ADAM7: variants seen among roughly 807,000 people sequenced by gnomAD.
The protein encoded by ADAM7 is ADAM metallopeptidase domain 7.
In ADAM7, 97 loss-of-function variants were observed where a neutral mutation model predicts 102.9. The observed-to-expected ratio is 0.94, with a 90% CI of 0.80 to 1.12. The LOEUF (loss-of-function observed/expected upper bound fraction) is 1.12. Among genes scored for constraint, ADAM7 ranks in the 50% most tolerant of loss-of-function variants. ADAM7 has a pLI of 0.00. For synonymous variants in ADAM7, 334 were observed against 304.4 expected (o/e 1.10, Z -1.01); for missense variants, 991 against 908.7 (o/e 1.09, Z -1.16).
At chr8:24,486,632 G>C (rs1219827097) in intron 10 of ADAM7, among the ~76,000 whole-genome samples, 2 of 152,126 alleles carry the variant, frequency 1.3e-5, no homozygotes, top group African/African-American at 4.8e-5. Context: ...TAAGTCCTTA[G>C]CAGATTCGGT....
intron 3 of ADAM7, among the ~76,000 whole-genome samples, chr8:24,458,996 G>A (rs1819141298): frequency 6.6e-6 from 1 of 151,732 alleles, no homozygotes; most frequent in Admixed American, 6.6e-5. Context: ...TGTGTTTTTA[G>A]TTTTTGCAAT....
At chr8:24,483,958 C>G (rs1331134908) in intron 9 of ADAM7, among the ~76,000 whole-genome samples, 1 of 152,118 alleles carries the variant, frequency 6.6e-6, no homozygotes, top group Non-Finnish European at 1.5e-5. Context: ...AATTGAGCAT[C>G]ATATTTGGGA....
At position 24,508,873 on chromosome 8, in the gene ADAM7, AC is replaced by A. The variant is rs1408919090; in HGVS notation, c.*328del. On this transcript the variant is annotated 3_prime_UTR_variant, in exon 22 of 22. Coordinates refer to ENST00000175238, the MANE Select transcript of ADAM7 (RefSeq NM_003817.4). Reference sequence around the variant, plus strand: ...ACTCTGCTTTCTTTTAAGAATCCAAACTTTAAGGATGATAACTTACAGTCTA... The same window carrying A: ...ACTCTGCTTTCTTTTAAGAATCCAAATTTAAGGATGATAACTTACAGTCTA... The A allele has an allele frequency of 2.6e-6, 3 of 1,161,508 alleles. No individual in the cohort carries two copies. Among genetic ancestry groups the A allele is most frequent in the Non-Finnish European group, 3.2e-6 (3 of 943,940 alleles). 72.0% of individuals were successfully genotyped at this position (1,161,508 alleles called of 1,614,324 possible).
rs1818408704 is a variant in ADAM7 at position 24,442,486 on chromosome 8, T to C, written c.66T>C (p.Leu22=). 1 of 1,613,660 alleles carries C rather than the reference T, an allele frequency of 6.2e-7. No individual in the cohort carries two copies. Among genetic ancestry groups the C allele is most frequent in the Non-Finnish European group, 8.5e-7 (1 of 1,179,582 alleles). ...LIPQVKEKFI[L]GVEGQQLVRP... ...GTTTCCTCGTAGAAAAGTTCATCCTTGGAGTAGAGGGTCAACAACTGGTTC... is the reference window on the plus strand; with the variant it reads ...GTTTCCTCGTAGAAAAGTTCATCCTCGGAGTAGAGGGTCAACAACTGGTTC... Residue 22 remains leucine, a synonymous_variant, in exon 2 of 22, where the codon CTT becomes CTC. Coordinates refer to ENST00000175238, the MANE Select transcript of ADAM7 (RefSeq NM_003817.4).
At chr8:24,458,953 G>C (rs1414885793) in intron 3 of ADAM7, among the ~76,000 whole-genome samples, 1 of 151,556 alleles carries the variant, frequency 6.6e-6, no homozygotes, top group African/African-American at 2.4e-5. Flanking sequence ...ATCTTATTAA[G>C]GGTTTTTGAA....
chr8:24,499,797 T>TACACAC (rs35010933), intron 17 of ADAM7, among the ~76,000 whole-genome samples: 32 of 148,302 alleles, frequency 2.2e-4, no homozygotes, highest in South Asian at 1.3e-3. Context: ...TATATAGTAA[T>TACACAC]ACACACACAC....
chr8:24,465,620 A>T, intron 4 of ADAM7, 79 bp from the exon 5 acceptor site: 1 of 803,016 alleles, frequency 1.2e-6, no homozygotes. Flanking sequence ...ATATATTCTG[A>T]ACAGAAAATA....
chr8:24,453,556 A>G (rs1284218469), intron 3 of ADAM7, among the ~76,000 whole-genome samples: 1 of 151,874 alleles, frequency 6.6e-6, no homozygotes, highest in Non-Finnish European at 1.5e-5. Context: ...ACTCATCTAA[A>G]TTTTTTTCAA....
At chr8:24,448,774 G>C (rs1239158148) in intron 3 of ADAM7, among the ~76,000 whole-genome samples, 1 of 151,804 alleles carries the variant, frequency 6.6e-6, no homozygotes, top group Non-Finnish European at 1.5e-5. Context: ...TCGTCATTTA[G>C]CATTAGGTAT....
chr8:24,457,522 C>T (rs760713411), intron 3 of ADAM7, among the ~76,000 whole-genome samples: 10 of 152,022 alleles, frequency 6.6e-5, no homozygotes, highest in Admixed American at 3.9e-4. Context: ...GCAATCCACC[C>T]GCCTTGGCCT....
At chr8:24,471,926 A>G (rs1156540557) in intron 7 of ADAM7, among the ~76,000 whole-genome samples, 1 of 151,970 alleles carries the variant, frequency 6.6e-6, no homozygotes, top group East Asian at 1.9e-4. Context: ...AAATATACCT[A>G]AACTTCTCAA....
chr8:24,450,998 G>T (rs1305616726), intron 3 of ADAM7, among the ~76,000 whole-genome samples: 1 of 151,872 alleles, frequency 6.6e-6, no homozygotes, highest in Admixed American at 6.6e-5. Flanking sequence ...CAGGGATGAA[G>T]CCCACTTGAT....
Position 24,507,476 on chromosome 8 carries a change from A to G in ADAM7, c.2209-4A>G, listed in dbSNP as rs746341699. ...CATGATACAACATAATTTATTTATTATAGAAACCTGCAAGTAAAGATTCAA... is the reference window on the plus strand; with the variant it reads ...CATGATACAACATAATTTATTTATTGTAGAAACCTGCAAGTAAAGATTCAA... On this transcript the variant is annotated splice_region_variant and splice_polypyrimidine_tract_variant and intron_variant, in intron 20 of 21. Transcript: ENST00000175238. The G allele has an allele frequency of 5.0e-6, 8 of 1,610,576 alleles. No homozygotes were observed. The South Asian group carries it at 6.6e-5, about 13-fold the overall frequency.
chr8:24,498,157 A>G (rs1360929909), intron 16 of ADAM7, among the ~76,000 whole-genome samples: 1 of 151,934 alleles, frequency 6.6e-6, no homozygotes, highest in East Asian at 1.9e-4. Context: ...GCAAGCAACA[A>G]ACTCCATAAG....
intron 16 of ADAM7, among the ~76,000 whole-genome samples, chr8:24,493,697 A>G (rs1307374734): frequency 6.6e-6 from 1 of 152,214 alleles, no homozygotes; most frequent in Non-Finnish European, 1.5e-5. Flanking sequence ...TGACCAATGT[A>G]TATTGATGTC....
intron 8 of ADAM7, among the ~76,000 whole-genome samples, chr8:24,477,009 G>T (rs529031952): frequency 1.3e-5 from 2 of 151,986 alleles, no homozygotes; most frequent in Admixed American, 6.6e-5. Context: ...CTCATTCTAA[G>T]ACACCTCAGC....
rs138368023 is a variant in ADAM7 at position 24,489,388 on chromosome 8, T to C, written c.1266+55T>C. ...GCAAAATTTATGATCAGGTAGAACC[T>C]AGGCAGGGATGTGGCCATTAATCAA... On this transcript the variant is annotated intron_variant, in intron 12 of 21. Transcript: ENST00000175238. The C allele has an allele frequency of 2.5e-4, 370 of 1,498,852 alleles. 1 individual carries two copies. In the East Asian group the frequency reaches 8.2e-3, roughly 33 times the overall value. 92.8% of individuals were successfully genotyped at this position (1,498,852 alleles called of 1,614,324 possible). A position where few individuals can be genotyped will look rare whatever the true frequency, so the allele number is the denominator to read the frequency against.
chr8:24,465,155 A>C (rs1015833809), intron 4 of ADAM7, among the ~76,000 whole-genome samples: 3 of 152,150 alleles, frequency 2.0e-5, no homozygotes, highest in Non-Finnish European at 4.4e-5. Flanking sequence ...AAAACTGGGT[A>C]ACATTCTTTT....
intron 7 of ADAM7, among the ~76,000 whole-genome samples, chr8:24,469,265 G>T (rs1380708142): frequency 2.0e-5 from 3 of 152,092 alleles, no homozygotes; most frequent in Non-Finnish European, 4.4e-5. Context: ...ACTGAAATTT[G>T]GAAATGAGAC....
Sources: gnomAD v4.1 joint callset for allele counts (sites outside exome capture counted in the v4.1 genomes callset) on GRCh38, gnomAD v4.1.1 for gene constraint, MANE v1.5 for transcripts, NCBI Gene and HGNC (gene_info 2026-07-23, HGNC 2026-07-21) for gene names.